The following TEX10 variants were observed in gnomAD, a reference collection of about 807,000 sequenced individuals.
The protein encoded by TEX10 is testis-expressed protein 10.
A neutral mutation model predicts 104.4 loss-of-function variants in TEX10; 24 were observed. The ratio of observed to expected loss-of-function variants is 0.23; its 90% CI spans 0.17 to 0.32. TEX10 has a LOEUF of 0.32. Among genes scored for constraint, TEX10 ranks in the 10% least tolerant of loss-of-function variants. The probability of loss-of-function intolerance (pLI) is 1.00; values close to 1 mark genes in which losing one functional copy is unlikely to be tolerated. For missense variants in TEX10, 921 were observed against 1,083.9 expected (o/e 0.85, Z 2.11); for synonymous variants, 396 against 393.4 (o/e 1.01, Z -0.08).
intron 5 of TEX10, among the ~76,000 whole-genome samples, chr9:100,330,894 C>T (rs1834845672): frequency 6.6e-6 from 1 of 151,120 alleles, no homozygotes; most frequent in South Asian, 2.1e-4. Flanking sequence ...ACTGGGAAGA[C>T]TGCTTGAGGC....
At chr9:100,309,484 GTC>G (rs1460399948) in intron 12 of TEX10, among the ~76,000 whole-genome samples, 1 of 152,154 alleles carries the variant, frequency 6.6e-6, no homozygotes. Context: ...AATGAATGTA[GTC>G]AACGGAGAGT....
At chr9:100,328,103 A>C in intron 7 of TEX10, 141 bp from the exon 8 acceptor site, 1 of 612,994 alleles carries the variant, frequency 1.6e-6, no homozygotes. Context: ...TATTCATTTA[A>C]ACATTTGAGA....
intron 11 of TEX10, among the ~76,000 whole-genome samples, chr9:100,312,952 G>C (rs1412050472): frequency 2.6e-5 from 4 of 152,086 alleles, no homozygotes; most frequent in Non-Finnish European, 5.9e-5. Flanking sequence ...ATCTATAAAA[G>C]ATATAGTCCC....
intron 11 of TEX10, among the ~76,000 whole-genome samples, chr9:100,313,845 CAAAAAAAA>C (rs34304010): frequency 1.1e-5 from 1 of 90,734 alleles, no homozygotes; most frequent in African/African-American, 4.0e-5. Context: ...ACTGTGTTTC[CAAAAAAAA>C]AAAAAAAAAG....
At chr9:100,327,745 G>A (rs758225596) in intron 8 of TEX10, 42 bp downstream of exon 8, 15 of 1,463,414 alleles carry the variant, frequency 1.0e-5, no homozygotes, top group Non-Finnish European at 1.4e-5. Flanking sequence ...ATATCAGGGT[G>A]GATCAATGAC....
rs571867476 is a variant in TEX10 at position 100,352,804 on chromosome 9, C to A, written c.-42G>T. ...CCCGGCCGCGGCCGGGGCGAGAAGCCCGAGAAGACAAGCGAGGGAGCAGAA... is the reference window on the plus strand; with the variant it reads ...CCCGGCCGCGGCCGGGGCGAGAAGCACGAGAAGACAAGCGAGGGAGCAGAA... On this transcript the variant is annotated 5_prime_UTR_variant, in exon 1 of 15. Transcript: ENST00000374902. The A allele has an allele frequency of 5.7e-6, 6 of 1,059,230 alleles. No individual in the cohort carries two copies. In the South Asian group the frequency reaches 2.3e-4, roughly 41 times the overall value. The allele number at this position is 1,059,230 out of a possible 1,614,324, so 65.6% of individuals were successfully genotyped here.
intron 5 of TEX10, among the ~76,000 whole-genome samples, chr9:100,337,193 G>A (rs142035870): frequency 7.5e-4 from 114 of 152,204 alleles, no homozygotes; most frequent in Admixed American, 2.3e-3. Context: ...TCATTAGACC[G>A]TACTCCATGA....
chr9:100,305,828 A>G (rs1404815286), intron 13 of TEX10: 1 of 152,242 alleles, frequency 6.6e-6, no homozygotes, highest in African/African-American at 2.4e-5. Flanking sequence ...CTTGCACAGA[A>G]TGGGAAGCCA....
chr9:100,316,893 C>A lies in TEX10; in HGVS notation c.2202+3372G>T, dbSNP rs1588168991. 3.9e-4 allele frequency among the ~76,000 whole-genome samples: 7 copies of A among 17,986 alleles called. No individual in the cohort carries two copies. The East Asian group carries it at 0.012, about 32-fold the overall frequency. The allele number at this position is 17,986 out of a possible 152,430, so 11.8% of individuals were successfully genotyped here. Reference sequence around the variant, plus strand: ...AAGAAGGCAATCCCACTTATAATAGCTAAAAAAAAAAAAAAAAAAAAAACC... The same window carrying A: ...AAGAAGGCAATCCCACTTATAATAGATAAAAAAAAAAAAAAAAAAAAAACC... On this transcript the variant is annotated intron_variant, in intron 11 of 14. Coordinates refer to ENST00000374902, the MANE Select transcript of TEX10 (RefSeq NM_017746.4).
chr9:100,316,915 A>AAAAC (rs1217250328), intron 11 of TEX10, among the ~76,000 whole-genome samples: 5 of 151,054 alleles, frequency 3.3e-5, no homozygotes, highest in African/African-American at 1.2e-4. Context: ...AAAAAAAAAA[A>AAAAC]ACCTAGGAAT....
rs747313834 is a variant in TEX10, at chr9:100,308,472, T to C, written c.2465+28A>G. On this transcript the variant is annotated intron_variant, in intron 13 of 14. Transcript: ENST00000374902. ...TGGGGGAGGAGGAACAGTAGGAAAA[T>C]TAAGGTTGAAGAATAAAAAATAATT... 5 of 1,555,442 alleles carry C rather than the reference T, an allele frequency of 3.2e-6. No homozygotes were observed. In the Admixed American group the frequency reaches 6.2e-5, roughly 19 times the overall value.
At chr9:100,352,606 G>C in intron 1 of TEX10, 166 bp downstream of exon 1, 1 of 1,488,372 alleles carries the variant, frequency 6.7e-7, no homozygotes, top group Non-Finnish European at 8.9e-7. Flanking sequence ...AGTGCCGGCC[G>C]CACACCCAGG....
chr9:100,346,675 T>C lies in TEX10; in HGVS notation c.893+19A>G, dbSNP rs767092610. The C allele has an allele frequency of 2.5e-6, 4 of 1,587,914 alleles. No individual in the cohort carries two copies. The highest frequency in any genetic ancestry group is 3.4e-6 in the Non-Finnish European group (4 of 1,167,340). ...TCAATACAGCAAAACTGTGTGGACA[T>C]AACTGAAATCCTTCTTACCGTAGCC... On this transcript the variant is annotated intron_variant, in intron 3 of 14. Transcript: ENST00000374902.
intron 5 of TEX10, among the ~76,000 whole-genome samples, chr9:100,333,363 G>A (rs1003724928): frequency 6.6e-6 from 1 of 152,140 alleles, no homozygotes. Flanking sequence ...CATTCTAGCA[G>A]TTTAAGGAAT....
chr9:100,345,999 G>C (rs1209502627), intron 4 of TEX10, 73 bp downstream of exon 4: 2 of 1,495,630 alleles, frequency 1.3e-6, no homozygotes, highest in Admixed American at 2.2e-5. Context: ...GTAGTAATGA[G>C]CTGATTTCGA....
At chr9:100,313,968 T>C (rs1834348165) in intron 11 of TEX10, among the ~76,000 whole-genome samples, 1 of 152,306 alleles carries the variant, frequency 6.6e-6, no homozygotes, top group African/African-American at 2.4e-5. Flanking sequence ...GAATTCCCTC[T>C]TCCCTCCTTG....
At chr9:100,349,141 C>G in intron 2 of TEX10, 43 bp downstream of exon 2, 1 of 1,473,738 alleles carries the variant, frequency 6.8e-7, no homozygotes, top group Non-Finnish European at 9.0e-7. Context: ...CTACACGATT[C>G]CAAAGAAAAT....
chr9:100,346,002 G>T (rs1001922914), intron 4 of TEX10, 70 bp downstream of exon 4: 25 of 1,511,014 alleles, frequency 1.7e-5, no homozygotes, highest in Non-Finnish European at 2.2e-5. Flanking sequence ...GTAATGAGCT[G>T]ATTTCGAATC....
At chr9:100,315,387 T>C (rs968571686) in intron 11 of TEX10, among the ~76,000 whole-genome samples, 2 of 152,190 alleles carry the variant, frequency 1.3e-5, no homozygotes, top group Non-Finnish European at 2.9e-5. Context: ...TGCTATGTAT[T>C]TCTTCCTTTA....
Sources: gnomAD v4.1 joint callset for allele counts (sites outside exome capture counted in the v4.1 genomes callset) on GRCh38, gnomAD v4.1.1 for gene constraint, MANE v1.5 for transcripts, NCBI Gene and HGNC (gene_info 2026-07-23, HGNC 2026-07-21) for gene names.